The following FNBP1 variants were observed in gnomAD, a reference collection of about 807,000 sequenced individuals.
FNBP1 encodes the protein formin-binding protein 1.
A neutral mutation model predicts 90.6 loss-of-function variants in FNBP1; 26 were observed. That is an observed-to-expected ratio of 0.29 (90% CI 0.21 to 0.40). FNBP1 has a LOEUF of 0.40. Among genes scored for constraint, FNBP1 ranks in the 10% least tolerant of loss-of-function variants. The pLI, the probability that FNBP1 is intolerant of heterozygous loss-of-function variation, is 1.00. For missense variants in FNBP1, 635 were observed against 768.0 expected (o/e 0.83, Z 2.05); for synonymous variants, 260 against 265.2 (o/e 0.98, Z 0.19).
intron 4 of FNBP1, among the ~76,000 whole-genome samples, chr9:129,964,451 C>CA (rs778764103): frequency 7.2e-5 from 11 of 151,824 alleles, no homozygotes; most frequent in Middle Eastern, 3.2e-3. Context: ...AACAAACAAA[C>CA]AAAAAAACCC....
intron 6 of FNBP1, among the ~76,000 whole-genome samples, chr9:129,939,387 C>T (rs2043986947): frequency 6.7e-6 from 1 of 148,572 alleles, no homozygotes; most frequent in Non-Finnish European, 1.5e-5. Flanking sequence ...AAGCCTCCGT[C>T]CCGAAAAATA....
intron 11 of FNBP1, among the ~76,000 whole-genome samples, chr9:129,915,153 C>T (rs1315671698): frequency 6.6e-6 from 1 of 151,974 alleles, no homozygotes; most frequent in African/African-American, 2.4e-5. Flanking sequence ...ATATCTACGT[C>T]GCACCATAAA....
At chr9:129,923,346 C>T (rs949264513) in intron 10 of FNBP1, among the ~76,000 whole-genome samples, 3 of 151,918 alleles carry the variant, frequency 2.0e-5, no homozygotes, top group Non-Finnish European at 2.9e-5. Context: ...TTTGTAAGGC[C>T]GAGGCGGGCG....
chr9:129,905,415 G>A (rs1195276193), intron 12 of FNBP1, among the ~76,000 whole-genome samples: 4 of 151,674 alleles, frequency 2.6e-5, no homozygotes, highest in Admixed American at 6.6e-5. Flanking sequence ...GGGTTCAAGC[G>A]ACTCTCCTGC....
At chr9:129,918,877 C>CAAA in intron 10 of FNBP1, 5 of 152,518 alleles carry the variant, frequency 3.3e-5, no homozygotes, top group Admixed American at 6.6e-5. Context: ...AAGAGAAAAA[C>CAAA]AAAAAAAAAA....
At chr9:129,911,899 TCCAGC>T (rs1485935774) in intron 11 of FNBP1, among the ~76,000 whole-genome samples, 1 of 132,260 alleles carries the variant, frequency 7.6e-6, no homozygotes, top group African/African-American at 2.9e-5. Context: ...GCCATTACAC[TCCAGC>T]CTGGGCGACG....
intron 1 of FNBP1, among the ~76,000 whole-genome samples, chr9:130,037,331 G>C (rs1321434737): frequency 2.6e-5 from 4 of 152,116 alleles, no homozygotes; most frequent in Non-Finnish European, 5.9e-5. Flanking sequence ...GCCAGCCTGG[G>C]TGACTGAGCA....
In FNBP1 at chr9:129,970,197, G is replaced by A. The variant is rs558528966; in HGVS notation, c.345+8268C>T. On this transcript the variant is annotated intron_variant, in intron 4 of 16. Coordinates refer to ENST00000446176, the MANE Select transcript of FNBP1 (RefSeq NM_015033.3). ...TAGGATTACAGGCGTGAGCCACTGC[G>A]CCTGGCCTTTTATTTTATTATTTTT... Among the ~76,000 whole-genome samples the A allele has an allele frequency of 1.6e-3, 246 of 150,670 alleles. 1 individual carries two copies. The highest frequency in any genetic ancestry group is 2.7e-3 in the Admixed American group (41 of 15,078).
chr9:129,890,576 A>C lies in FNBP1; in HGVS notation c.1847-30T>G. 2.6e-6 allele frequency: 4 copies of C among 1,555,210 alleles called. No homozygotes were observed. Among genetic ancestry groups the C allele is most frequent in the Non-Finnish European group, 3.5e-6 (4 of 1,148,530 alleles). Reference sequence around the variant, plus strand: ...AACACAAAGAGAAACAGAAAGAGAAACTCTCTGTTAGAGAGGAAGGCGCGG... The same window carrying C: ...AACACAAAGAGAAACAGAAAGAGAACCTCTCTGTTAGAGAGGAAGGCGCGG... On this transcript the variant is annotated intron_variant, in intron 16 of 16. Transcript: ENST00000446176. This position sits in a 1 kb window ranked among gnomAD's most constrained non-coding sequence, Gnocchi z 5.8.
intron 1 of FNBP1, among the ~76,000 whole-genome samples, chr9:129,997,192 C>G (rs1052222006): frequency 6.6e-6 from 1 of 151,994 alleles, no homozygotes; most frequent in African/African-American, 2.4e-5. Flanking sequence ...GGCGTCATGG[C>G]AGGCACCTGT....
intron 6 of FNBP1, among the ~76,000 whole-genome samples, chr9:129,931,740 G>GT (rs1026486194): frequency 6.6e-6 from 1 of 151,714 alleles, no homozygotes; most frequent in African/African-American, 2.4e-5. Flanking sequence ...CAAGTATACA[G>GT]TAAGCTGTGA....
intron 1 of FNBP1, among the ~76,000 whole-genome samples, chr9:130,008,697 C>T (rs1331491955): frequency 2.6e-5 from 4 of 152,134 alleles, no homozygotes; most frequent in African/African-American, 4.8e-5. Context: ...GATTGGACCA[C>T]GAAAGCTGTC....
chr9:130,049,727 A>G, the FNBP1 span, among the ~76,000 whole-genome samples: 1 of 152,112 alleles, frequency 6.6e-6, no homozygotes, highest in South Asian at 2.1e-4. Context: ...AAAAATAAAA[A>G]TTAAAAGAAA....
At chr9:129,947,452 AG>A (rs2045490432) in intron 6 of FNBP1, among the ~76,000 whole-genome samples, 6 of 148,344 alleles carry the variant, frequency 4.0e-5, no homozygotes, top group Non-Finnish European at 7.5e-5. Context: ...AAAAAAAAAA[AG>A]AAAAGAAAAA....
intron 7 of FNBP1, 99 bp from the exon 8 acceptor site, chr9:129,927,440 G>GA (rs1434951844): frequency 3.5e-6 from 4 of 1,148,600 alleles, no homozygotes; most frequent in African/African-American, 3.1e-5. Flanking sequence ...TCTCTTTGAG[G>GA]AAAAAATGGG....
chr9:129,945,498 A>G (rs1200527533), intron 6 of FNBP1, among the ~76,000 whole-genome samples: 1 of 152,262 alleles, frequency 6.6e-6, no homozygotes, highest in African/African-American at 2.4e-5. Flanking sequence ...CATGTTCCAT[A>G]AAGATGTCAA....
At chr9:129,961,677 C>A (rs183375414) in intron 4 of FNBP1, among the ~76,000 whole-genome samples, 2 of 151,962 alleles carry the variant, frequency 1.3e-5, no homozygotes, top group African/African-American at 4.8e-5. Flanking sequence ...CTCTGCCTCC[C>A]GGGTTCAAGT....
In FNBP1 at chr9:129,927,781, C is replaced by T. The variant is rs55890428; in HGVS notation, c.643-440G>A. Among the ~76,000 whole-genome samples the T allele has an allele frequency of 9.9e-3, 1,437 of 144,520 alleles. 18 individuals carry two copies. The highest frequency in any genetic ancestry group is 0.041 in the South Asian group (176 of 4,304). 94.8% of individuals were successfully genotyped at this position (144,520 alleles called of 152,430 possible). On this transcript the variant is annotated intron_variant, in intron 7 of 16. Transcript: ENST00000446176. ...CACCCCCCCTCCCCCCGCCACCACA[C>T]TTGGCTAATTTTTTGTATTTTTAGT... is the stretch of plus-strand genomic sequence containing the variant.
intron 6 of FNBP1, among the ~76,000 whole-genome samples, chr9:129,941,986 G>T (rs866763694): frequency 6.6e-6 from 1 of 151,576 alleles, no homozygotes; most frequent in Non-Finnish European, 1.5e-5. Flanking sequence ...CAGGAGAATC[G>T]CTTGAACCTG....
Sources: allele counts gnomAD v4.1 joint callset (sites outside exome capture counted in the v4.1 genomes callset), GRCh38; gene constraint gnomAD v4.1.1; non-coding constraint Gnocchi (gnomAD v3.1); transcripts MANE v1.5; gene names NCBI Gene and HGNC (gene_info 2026-07-23, HGNC 2026-07-21).